RNLS: variants seen among roughly 807,000 people sequenced by gnomAD.
The protein encoded by RNLS is renalase, FAD dependent amine oxidase.
RNLS carries 39 observed loss-of-function variants against 39.8 expected under a neutral mutation model. The ratio of observed to expected loss-of-function variants is 0.98; its 90% CI spans 0.76 to 1.28. The LOEUF is 1.28. RNLS is among the 50% of genes most tolerant of loss of function. RNLS has a pLI of 0.00. For missense variants in RNLS, 410 were observed against 413.3 expected (o/e 0.99, Z 0.07); for synonymous variants, 147 against 150.7 (o/e 0.98, Z 0.18).
intron 6 of RNLS, among the ~76,000 whole-genome samples, chr10:88,310,871 T>G (rs2133031579): frequency 6.8e-6 from 1 of 147,118 alleles, no homozygotes; most frequent in Admixed American, 6.9e-5. Flanking sequence ...GGCAAAATAT[T>G]GAGTTATTAA....
the RNLS span, among the ~76,000 whole-genome samples, chr10:88,231,848 C>T: frequency 3.9e-5 from 6 of 152,196 alleles, no homozygotes; most frequent in African/African-American, 1.4e-4. Flanking sequence ...CTGTCTCAAA[C>T]AGAATTAAAC....
intron 6 of RNLS, among the ~76,000 whole-genome samples, chr10:88,290,243 A>G (rs1843575749): frequency 6.6e-6 from 1 of 152,154 alleles, no homozygotes; most frequent in Admixed American, 6.6e-5. Flanking sequence ...GAGAACAGTC[A>G]TTTGTCTGGC....
Position 88,285,308 on chromosome 10 carries a change from T to G in RNLS, c.*46A>C. On this transcript the variant is annotated 3_prime_UTR_variant, in exon 7 of 7. Coordinates refer to ENST00000331772, the MANE Select transcript of RNLS (RefSeq NM_001031709.3). ...CAAAATAATCAATAACAGAAAATTG[T>G]GAAAATAAAAACCCAATACACATGT... The G allele has an allele frequency of 3.5e-6, 5 of 1,442,474 alleles. No individual in the cohort carries two copies. The highest frequency in any genetic ancestry group is 3.7e-6 in the Non-Finnish European group (4 of 1,086,996). 89.4% of individuals were successfully genotyped at this position (1,442,474 alleles called of 1,614,324 possible).
At chr10:88,262,969 A>G in the RNLS span, among the ~76,000 whole-genome samples, 1 of 152,174 alleles carries the variant, frequency 6.6e-6, no homozygotes, top group Non-Finnish European at 1.5e-5. Context: ...GAAGTGGTTA[A>G]GAGTGTAAAT....
chr10:88,522,546 T>C (rs1205486438), intron 4 of RNLS, among the ~76,000 whole-genome samples: 1 of 152,014 alleles, frequency 6.6e-6, no homozygotes, highest in Non-Finnish European at 1.5e-5. Flanking sequence ...AAAACCAAGA[T>C]TTATACAAAA....
chr10:88,345,763 G>T (rs1848260222), intron 5 of RNLS, among the ~76,000 whole-genome samples: 1 of 152,102 alleles, frequency 6.6e-6, no homozygotes, highest in Admixed American at 6.6e-5. Flanking sequence ...GAGAGATTAA[G>T]AAGATTAATC....
At chr10:88,436,699 T>C (rs1164004064) in intron 4 of RNLS, among the ~76,000 whole-genome samples, 1 of 152,196 alleles carries the variant, frequency 6.6e-6, no homozygotes, top group African/African-American at 2.4e-5. Context: ...GGGCGTCAAG[T>C]TGGTCTTTGT....
chr10:88,470,617 A>ATTT (rs10676559), intron 4 of RNLS, among the ~76,000 whole-genome samples: 1,733 of 141,674 alleles, frequency 0.012, 88 homozygotes, highest in Admixed American at 0.088. Context: ...TGTAATTTTA[A>ATTT]TTTTTTTTTT....
chr10:88,395,602 G>A (rs1318964593), intron 4 of RNLS, among the ~76,000 whole-genome samples: 1 of 152,002 alleles, frequency 6.6e-6, no homozygotes, highest in Non-Finnish European at 1.5e-5. Flanking sequence ...CAAAGCCTCA[G>A]ACATTTGGGG....
intron 4 of RNLS, among the ~76,000 whole-genome samples, chr10:88,558,808 G>C (rs1393828085): frequency 6.6e-6 from 1 of 152,068 alleles, no homozygotes; most frequent in Admixed American, 6.6e-5. Flanking sequence ...AATATCAAAG[G>C]TGACAATATT....
intron 4 of RNLS, among the ~76,000 whole-genome samples, chr10:88,530,076 C>T (rs574232747): frequency 7.2e-5 from 11 of 152,234 alleles, no homozygotes; most frequent in African/African-American, 1.7e-4. Flanking sequence ...AAAAACAATT[C>T]GAGTCAATGC....
intron 5 of RNLS, among the ~76,000 whole-genome samples, chr10:88,317,291 G>A (rs1249925882): frequency 6.6e-6 from 1 of 152,088 alleles, no homozygotes; most frequent in East Asian, 1.9e-4. Flanking sequence ...AATTAAAAGG[G>A]AGCAACACTA....
At chr10:88,350,891 CTGT>C (rs1340529302) in intron 5 of RNLS, among the ~76,000 whole-genome samples, 1 of 152,182 alleles carries the variant, frequency 6.6e-6, no homozygotes, top group African/African-American at 2.4e-5. Context: ...TCTCCAGCAC[CTGT>C]TGTTTCCTGA....
At chr10:88,422,275 A>T (rs1854453981) in intron 4 of RNLS, among the ~76,000 whole-genome samples, 1 of 152,218 alleles carries the variant, frequency 6.6e-6, no homozygotes. Context: ...CAGTGCACTT[A>T]TGCTTTAAAA....
chr10:88,253,505 A>G, the RNLS span, among the ~76,000 whole-genome samples: 1 of 152,176 alleles, frequency 6.6e-6, no homozygotes, highest in East Asian at 1.9e-4. Context: ...ATTTGTTTCT[A>G]TAGAAACATT....
chr10:88,339,359 A>G (rs1005387869), intron 5 of RNLS, among the ~76,000 whole-genome samples: 4 of 152,178 alleles, frequency 2.6e-5, no homozygotes, highest in South Asian at 4.1e-4. Flanking sequence ...GTCAATTTCA[A>G]TGTGTTGCAG....
intron 4 of RNLS, among the ~76,000 whole-genome samples, chr10:88,561,747 A>G (rs1193047602): frequency 1.3e-5 from 2 of 152,176 alleles, no homozygotes; most frequent in Non-Finnish European, 2.9e-5. Flanking sequence ...ATAATAAACA[A>G]AAGCAAAAGA....
At chr10:88,400,006 C>T (rs1852814728) in intron 4 of RNLS, among the ~76,000 whole-genome samples, 4 of 151,978 alleles carry the variant, frequency 2.6e-5, no homozygotes, top group African/African-American at 9.7e-5. Flanking sequence ...GAATCTCTTA[C>T]TCTGTGGTCA....
At chr10:88,404,957 G>A (rs1309733603) in intron 4 of RNLS, among the ~76,000 whole-genome samples, 2 of 152,056 alleles carry the variant, frequency 1.3e-5, no homozygotes. Context: ...ATATTCTCCA[G>A]ATGAAGATAA....
Sources: allele counts gnomAD v4.1 joint callset (sites outside exome capture counted in the v4.1 genomes callset), GRCh38; gene constraint gnomAD v4.1.1; transcripts MANE v1.5; gene names NCBI Gene and HGNC (gene_info 2026-07-23, HGNC 2026-07-21).